Variants in FAT1 observed in about 807,000 individuals in gnomAD.
FAT1 encodes the protein protocadherin Fat 1.
A neutral mutation model predicts 329.8 loss-of-function variants in FAT1; 171 were observed. That is an observed-to-expected ratio of 0.52 (90% CI 0.46 to 0.59). FAT1 has a LOEUF of 0.59. Ranked by LOEUF, FAT1 falls within the 20% of genes least tolerant of loss-of-function variation. FAT1 has a pLI of 0.00. For synonymous variants in FAT1, 2,233 were observed against 2,228.6 expected, an observed-to-expected ratio of 1.00 and a Z score of -0.06; for missense variants, 5,672 against 5,774.4, an observed-to-expected ratio of 0.98 and a Z score of 0.57.
At chr4:186,725,359 T>TA (rs1290464225), upstream of FAT1, among the ~76,000 whole-genome samples, 9 of 151,894 alleles carry the variant, frequency 5.9e-5, no homozygotes, top group African/African-American at 2.2e-4. This position sits in a 1 kb window ranked among gnomAD's most constrained non-coding sequence, Gnocchi z 5.4. Flanking sequence ...AGAAGAACAG[T>TA]AAAAAAAGTA....
chr4:186,707,366 T>C lies in FAT1; in HGVS notation c.2462A>G (p.Glu821Gly). Residue 821 changes from glutamate (E) to glycine (G), a missense_variant, in exon 2 of 27, where the codon GAG (glutamate) becomes GGG (glycine). Glu to Gly is a moderately conservative substitution (Grantham distance 98). Transcript: ENST00000441802. The stretch of plus-strand genomic sequence containing the variant: ...CACAAAATAGCTCTCCTGTAAAAAC[T>C]CGGGTGGATTATCATTGGCATCGAC... ...VVVDANDNPP[E>G]FLQESYFVEV... 6.2e-7 allele frequency: 1 copy of C among 1,613,946 alleles called. No individual in the cohort carries two copies. Among genetic ancestry groups the C allele is most frequent in the South Asian group, 1.1e-5 (1 of 91,080 alleles).
At position 186,707,193 on chromosome 4, in the gene FAT1, T is replaced by C. The variant is rs1579484704; in HGVS notation, c.2635A>G (p.Ile879Val). The change falls in exon 2 of 27, where the codon ATC (isoleucine) becomes GTC (valine). Residue 879 changes from isoleucine (I) to valine (V), a missense_variant. Physicochemically the swap from Ile to Val is conservative, Grantham distance 29. Coordinates refer to ENST00000441802, the MANE Select transcript of FAT1 (RefSeq NM_005245.4). Reference sequence around the variant, plus strand: ...AGCTCTCGATCCAGAGGGCGTGCGATGTTAACAACACCCGTCACGCTGTCA... The same window carrying C: ...AGCTCTCGATCCAGAGGGCGTGCGACGTTAACAACACCCGTCACGCTGTCA... ...SIDSVTGVVNIARPLDRELQH... is the reference protein window; with the variant it reads ...SIDSVTGVVNVARPLDRELQH... The C allele has an allele frequency of 2.5e-6, 4 of 1,613,980 alleles. No individual in the cohort carries two copies. The highest frequency in any genetic ancestry group is 3.4e-6 in the Non-Finnish European group (4 of 1,179,888).
rs145732970 is a variant in FAT1 at position 186,613,920 on chromosome 4, TG to T, written c.9229+270del. ...GAGTTATATTTTAATTTCTGAGGGT[TG>T]TTTTTTTTAAACAAGTGGTATAAAC... On this transcript the variant is annotated intron_variant, in intron 12 of 26. Transcript: ENST00000441802. Among the ~76,000 whole-genome samples, 743 of 152,334 alleles carry T rather than the reference TG, an allele frequency of 4.9e-3. 11 individuals carry two copies. The highest frequency in any genetic ancestry group is 0.017 in the African/African-American group (688 of 41,576).
chr4:186,617,551 TGAGGCTC>T (rs1261713370), intron 10 of FAT1, among the ~76,000 whole-genome samples, 150 bp downstream of exon 10: 3 of 152,234 alleles, frequency 2.0e-5, no homozygotes, highest in African/African-American at 4.8e-5. Flanking sequence ...AAGCTTGAAA[TGAGGCTC>T]AACAGATGTT....
At chr4:186,671,352 C>T (rs566702847) in intron 2 of FAT1, among the ~76,000 whole-genome samples, 34 of 152,162 alleles carry the variant, frequency 2.2e-4, no homozygotes, top group African/African-American at 7.9e-4. Flanking sequence ...CAAAGAAAAG[C>T]TGTAAAACGA....
At chr4:186,609,034 G>T in intron 16 of FAT1, 149 bp downstream of exon 16, 1 of 725,356 alleles carries the variant, frequency 1.4e-6, no homozygotes, top group Non-Finnish European at 2.2e-6. Context: ...TCTTCATAGT[G>T]TCATTGCTTT....
rs1560938584 is a variant in FAT1, at chr4:186,618,209, C to G, written c.8377G>C (p.Val2793Leu). 1 of 1,614,016 alleles carries G rather than the reference C, an allele frequency of 6.2e-7. No individual in the cohort carries two copies. The highest frequency in any genetic ancestry group is 1.1e-5 in the South Asian group (1 of 91,086). Residue 2793 changes from valine (V) to leucine (L), a missense_variant, in exon 10 of 27, where the codon GTA becomes CTA. Physicochemically the swap from Val to Leu is conservative, Grantham distance 32. Around this residue, in one of 2 missense-constraint regions of FAT1, gnomAD observed 3,966 missense variants for 3,915.2 expected, o/e 1.01. Coordinates refer to ENST00000441802, the MANE Select transcript of FAT1 (RefSeq NM_005245.4). ...TCTTTCACTTGGATACTAACATCTACAGAAGCCACCATCTCATGGTCATCT... is the reference window on the plus strand; with the variant it reads ...TCTTTCACTTGGATACTAACATCTAGAGAAGCCACCATCTCATGGTCATCT... ...TQDDHEMVASVDVSIQVKDAN... is the reference protein window; with the variant it reads ...TQDDHEMVASLDVSIQVKDAN...
Position 186,596,615 on chromosome 4 carries a change from G to A in FAT1, c.12925C>T (p.Pro4309Ser), listed in dbSNP as rs933073497. ...GGGGAGTTTGAAGGGGGTGGGGGAGGCAGGTTTGGCGCCACGCTGCAGACC... is the reference window on the plus strand; with the variant it reads ...GGGGAGTTTGAAGGGGGTGGGGGAGACAGGTTTGGCGCCACGCTGCAGACC... ...VAVCSVAPNL[P>S]PPPPSNSPSD... The change falls in exon 25 of 27, where the codon CCT becomes TCT. Residue 4309 changes from proline (P) to serine (S), a missense_variant. Physicochemically the swap from Pro to Ser is moderately conservative, Grantham distance 74 (BLOSUM62 -1). This residue lies in a region of FAT1 where 1,706 missense variants were observed against 1,859.1 expected (regional missense o/e 0.92). Coordinates refer to ENST00000441802, the MANE Select transcript of FAT1 (RefSeq NM_005245.4). This position sits in a 1 kb window ranked among gnomAD's most constrained non-coding sequence, Gnocchi z 4.7. 3 of 1,611,516 alleles carry A rather than the reference G, an allele frequency of 1.9e-6. No homozygotes were observed. The highest frequency in any genetic ancestry group is 1.3e-5 in the African/African-American group (1 of 74,854).
intron 2 of FAT1, among the ~76,000 whole-genome samples, chr4:186,701,533 C>T (rs1419171683): frequency 2.6e-5 from 4 of 152,176 alleles, no homozygotes; most frequent in East Asian, 1.9e-4. Context: ...TCCCACCCGT[C>T]TCTAATCAAG....
intron 16 of FAT1, among the ~76,000 whole-genome samples, chr4:186,606,596 A>G (rs1739149479): frequency 6.6e-6 from 1 of 152,122 alleles, no homozygotes; most frequent in Admixed American, 6.5e-5. Flanking sequence ...TAGGGCCCCA[A>G]GTTTGCTCTC....
chr4:186,650,461 C>T, intron 3 of FAT1, among the ~76,000 whole-genome samples: 1 of 152,128 alleles, frequency 6.6e-6, no homozygotes, highest in East Asian at 1.9e-4. Context: ...ACAGAACAGA[C>T]TCTTTGATTC....
intron 20 of FAT1, among the ~76,000 whole-genome samples, chr4:186,602,630 A>G (rs1200141584): frequency 6.6e-6 from 1 of 152,188 alleles, no homozygotes; most frequent in Admixed American, 6.5e-5. Flanking sequence ...TTCCAGGAAA[A>G]TTAAACTGCT....
chr4:186,717,162 A>C (rs1745247510), intron 1 of FAT1, among the ~76,000 whole-genome samples: 1 of 151,734 alleles, frequency 6.6e-6, no homozygotes, highest in African/African-American at 2.4e-5. Flanking sequence ...AGGAAAAAAA[A>C]AACTCTCTAT....
chr4:186,628,226 C>T lies in FAT1; in HGVS notation c.4738G>A (p.Val1580Ile), dbSNP rs778379240. 3 of 1,613,972 alleles carry T rather than the reference C, an allele frequency of 1.9e-6. No homozygotes were observed. The highest frequency in any genetic ancestry group is 2.5e-6 in the Non-Finnish European group (3 of 1,179,900). The stretch of plus-strand genomic sequence containing the variant: ...TCCAGAGCCGTCACCTGCAACACAA[C>T]TGAGCCAACGGCTGCCGATTCATAA... ...RVYESAAVGS[V>I]VLQVTALDKD... Residue 1580 changes from valine to isoleucine, a missense_variant, in exon 9 of 27, where the codon GTT becomes ATT. Coordinates refer to ENST00000441802, the MANE Select transcript of FAT1 (RefSeq NM_005245.4).
At chr4:186,640,305 T>C (rs1368807221) in intron 3 of FAT1, among the ~76,000 whole-genome samples, 1 of 152,176 alleles carries the variant, frequency 6.6e-6, no homozygotes, top group Non-Finnish European at 1.5e-5. Flanking sequence ...ATTGGATAAA[T>C]GACAAATAGT....
rs1275575650 is a variant in FAT1 at position 186,621,304 on chromosome 4, T to C, written c.5282A>G (p.Asn1761Ser). The C allele has an allele frequency of 1.9e-6, 3 of 1,614,036 alleles. No individual in the cohort carries two copies. The highest frequency in any genetic ancestry group is 3.3e-5 in the Admixed American group (2 of 60,026). The change falls in exon 10 of 27, where the codon AAC (asparagine) becomes AGC (serine). Residue 1761 changes from asparagine to serine, a missense_variant. By Grantham distance (46) the Asn-to-Ser change is conservative. This residue lies in a region of FAT1 where 3,966 missense variants were observed against 3,915.2 expected (regional missense o/e 1.01). Transcript: ENST00000441802. The stretch of plus-strand genomic sequence containing the variant: ...TTCTGCCTGCATAAAAACTGGCGCG[T>C]TGTCATTCTCATCCTGCAAGTGAAC... ...VLVHLQDEND[N>S]APVFMQAEYT...
chr4:186,644,601 C>T (rs1189789551), intron 3 of FAT1, among the ~76,000 whole-genome samples: 2 of 152,188 alleles, frequency 1.3e-5, no homozygotes, highest in Admixed American at 6.5e-5. Flanking sequence ...TTAAAAACCA[C>T]TCATGGCCTT....
chr4:186,625,525 T>A (rs552659597), intron 9 of FAT1, among the ~76,000 whole-genome samples: 1 of 152,342 alleles, frequency 6.6e-6, no homozygotes, highest in South Asian at 2.1e-4. Flanking sequence ...TGATCTATAA[T>A]TAATCTATAC....
intron 3 of FAT1, among the ~76,000 whole-genome samples, chr4:186,640,312 T>C (rs2126572652): frequency 6.6e-6 from 1 of 152,268 alleles, no homozygotes; most frequent in Admixed American, 6.5e-5. Flanking sequence ...AAATGACAAA[T>C]AGTAAGAAAG....
Sources: allele counts gnomAD v4.1 joint callset (sites outside exome capture counted in the v4.1 genomes callset), GRCh38; gene constraint gnomAD v4.1.1; regional missense constraint gnomAD v4.1.1; non-coding constraint Gnocchi (gnomAD v3.1); transcripts MANE v1.5; gene names NCBI Gene and HGNC (gene_info 2026-07-23, HGNC 2026-07-21).